The following SNX14 variants were observed in gnomAD, a reference collection of about 807,000 sequenced individuals.
SNX14 encodes sorting nexin-14.
A neutral mutation model predicts 133.8 loss-of-function variants in SNX14; 93 were observed. The observed-to-expected ratio is 0.70, with a 90% CI of 0.59 to 0.83. The LOEUF (loss-of-function observed/expected upper bound fraction) is 0.83. Among genes scored for constraint, SNX14 ranks in the 40% least tolerant of loss-of-function variants. The pLI, the probability that SNX14 is intolerant of heterozygous loss-of-function variation, is 0.00. For synonymous variants in SNX14, 368 were observed against 365.6 expected, an observed-to-expected ratio of 1.01 and a Z score of -0.07; for missense variants, 945 against 1,094.9, an observed-to-expected ratio of 0.86 and a Z score of 1.93.
chr6:85,549,028 G>A (rs1334291229), intron 8 of SNX14, among the ~76,000 whole-genome samples: 1 of 149,346 alleles, frequency 6.7e-6, no homozygotes, highest in Non-Finnish European at 1.5e-5. Flanking sequence ...ATACTTAAAT[G>A]TTTATTATAT....
intron 15 of SNX14, among the ~76,000 whole-genome samples, chr6:85,541,600 GAAAT>G (rs1783779695): frequency 6.6e-6 from 1 of 151,884 alleles, no homozygotes; most frequent in East Asian, 1.9e-4. Flanking sequence ...AAAAAAGAAA[GAAAT>G]AAACATCCCT....
chr6:85,506,813 A>T (rs1419805918), intron 28 of SNX14, among the ~76,000 whole-genome samples: 2 of 152,202 alleles, frequency 1.3e-5, no homozygotes, highest in Non-Finnish European at 2.9e-5. Flanking sequence ...ACATAGTAAT[A>T]ATATGACCAT....
chr6:85,506,382 T>C (rs1043965202), intron 28 of SNX14, among the ~76,000 whole-genome samples: 1 of 152,174 alleles, frequency 6.6e-6, no homozygotes, highest in Admixed American at 6.5e-5. Flanking sequence ...AATGGCATGA[T>C]CTCGGCTCAC....
chr6:85,544,895 A>T (rs892156098), intron 12 of SNX14, among the ~76,000 whole-genome samples: 4 of 152,240 alleles, frequency 2.6e-5, no homozygotes, highest in Non-Finnish European at 5.9e-5. Flanking sequence ...GCACCGGGAC[A>T]GTAAATATGC....
chr6:85,572,740 T>A (rs113984081), intron 2 of SNX14, among the ~76,000 whole-genome samples: 2,124 of 152,268 alleles, frequency 0.014, 47 homozygotes, highest in African/African-American at 0.049. Flanking sequence ...GTGGATGGCT[T>A]GAGCCCAGGA....
rs563636854 is a variant in SNX14 at position 85,565,669 on chromosome 6, G to A, written c.462-250C>T. 7.2e-5 allele frequency among the ~76,000 whole-genome samples: 11 copies of A among 152,110 alleles called. No homozygotes were observed. In the East Asian group the frequency reaches 1.4e-3, roughly 19 times the overall value. On this transcript the variant is annotated intron_variant, in intron 5 of 28. Coordinates refer to ENST00000314673, the MANE Select transcript of SNX14 (RefSeq NM_153816.6). ...CATATATTTCCTTGCAGACATACACGACTACAGTCTTATTTTTACAATACT... is the reference window on the plus strand; with the variant it reads ...CATATATTTCCTTGCAGACATACACAACTACAGTCTTATTTTTACAATACT...
chr6:85,577,972 T>C lies in SNX14; in HGVS notation c.141-3594A>G, dbSNP rs975273394. Among the ~76,000 whole-genome samples, 4 of 151,656 alleles carry C rather than the reference T, an allele frequency of 2.6e-5. No individual in the cohort carries two copies. In the East Asian group the frequency reaches 5.8e-4, roughly 22 times the overall value. Reference sequence around the variant, plus strand: ...AACGGATTGAGGAGTGAGATGGAGGTGAGGAAGTGGGATTGGTAAATGTAG... The same window carrying C: ...AACGGATTGAGGAGTGAGATGGAGGCGAGGAAGTGGGATTGGTAAATGTAG... On this transcript the variant is annotated intron_variant, in intron 1 of 28. Transcript: ENST00000314673.
intron 9 of SNX14, 26 bp from the exon 10 acceptor site, chr6:85,547,576 C>T (rs767051035): frequency 6.5e-7 from 1 of 1,541,808 alleles, no homozygotes; most frequent in Admixed American, 2.0e-5. Flanking sequence ...AAACATAAGT[C>T]AAAATAATTC....
chr6:85,552,032 CTTTTTTTTTT>C (rs71551482), intron 7 of SNX14, among the ~76,000 whole-genome samples: 1 of 114,150 alleles, frequency 8.8e-6, no homozygotes, highest in African/African-American at 3.5e-5. Context: ...TGTTGGGAAT[CTTTTTTTTTT>C]TTTTTTTTTT....
At chr6:85,570,999 A>C (rs1795360461) in intron 4 of SNX14, among the ~76,000 whole-genome samples, 1 of 152,182 alleles carries the variant, frequency 6.6e-6, no homozygotes, top group Non-Finnish European at 1.5e-5. Context: ...TAATAGCCAC[A>C]TGTGGCTAGG....
At chr6:85,571,507 T>C (rs1795584553) in intron 4 of SNX14, among the ~76,000 whole-genome samples, 1 of 152,186 alleles carries the variant, frequency 6.6e-6, no homozygotes, top group Non-Finnish European at 1.5e-5. Context: ...TTTGATTCAA[T>C]ACACTTTGAT....
intron 6 of SNX14, among the ~76,000 whole-genome samples, chr6:85,564,974 G>T (rs1402589818): frequency 1.3e-5 from 2 of 148,474 alleles, no homozygotes; most frequent in Admixed American, 1.3e-4. Flanking sequence ...GGGCGACAGA[G>T]CAAAACTCTG....
In SNX14 at chr6:85,536,991, C is replaced by A. The variant is rs12193777; in HGVS notation, c.1476-67G>T. On this transcript the variant is annotated intron_variant, in intron 16 of 28. Transcript: ENST00000314673. Reference sequence around the variant, plus strand: ...TCACAACAGTCTAGTTTATTGAAAACCATTATTAAAAAAAAGAAAAACAGT... The same window carrying A: ...TCACAACAGTCTAGTTTATTGAAAAACATTATTAAAAAAAAGAAAAACAGT... 0.53 allele frequency: 754,599 copies of A among 1,425,380 alleles called. 202,231 individuals carry two copies. Among genetic ancestry groups the A allele is most frequent in the Admixed American group, 0.63 (26,570 of 42,130 alleles). 88.3% of individuals were successfully genotyped at this position (1,425,380 alleles called of 1,614,324 possible). A position where few individuals can be genotyped will look rare whatever the true frequency, so the allele number is the denominator to read the frequency against.
intron 6 of SNX14, among the ~76,000 whole-genome samples, chr6:85,560,412 T>C (rs573666201): frequency 6.6e-6 from 1 of 152,338 alleles, no homozygotes; most frequent in East Asian, 1.9e-4. Flanking sequence ...ATTCCATGTA[T>C]ATGAAATGTT....
At chr6:85,513,306 T>A (rs889221268) in intron 26 of SNX14, among the ~76,000 whole-genome samples, 1 of 152,238 alleles carries the variant, frequency 6.6e-6, no homozygotes, top group Non-Finnish European at 1.5e-5. Flanking sequence ...CTCTGTAACT[T>A]GAAAATGCCT....
chr6:85,520,028 A>G (rs944209727), intron 21 of SNX14, among the ~76,000 whole-genome samples: 5 of 151,846 alleles, frequency 3.3e-5, no homozygotes, highest in African/African-American at 1.2e-4. Flanking sequence ...TAGTAGTAGT[A>G]GTAGTAGTAG....
At chr6:85,523,935 A>T (rs1777714938) in intron 21 of SNX14, among the ~76,000 whole-genome samples, 1 of 152,192 alleles carries the variant, frequency 6.6e-6, no homozygotes, top group African/African-American at 2.4e-5. Flanking sequence ...GGTACAACTA[A>T]AGGTCAGACT....
At position 85,593,841 on chromosome 6, in the gene SNX14, T is replaced by C; in HGVS notation, c.-123A>G. On this transcript the variant is annotated 5_prime_UTR_variant, in exon 1 of 29. Transcript: ENST00000314673. ...GCGCACACAGACGCCTACCGGCAGT[T>C]AGCCGCCGCAGGCTGAGGTCGCGTC... 1.3e-6 allele frequency: 2 copies of C among 1,518,332 alleles called. No homozygotes were observed. The highest frequency in any genetic ancestry group is 1.2e-5 in the South Asian group (1 of 83,838). 94.1% of individuals were successfully genotyped at this position (1,518,332 alleles called of 1,614,324 possible). A position where few individuals can be genotyped will look rare whatever the true frequency, so the allele number is the denominator to read the frequency against.
chr6:85,565,003 A>T (rs910652260), intron 6 of SNX14, among the ~76,000 whole-genome samples: 12 of 151,758 alleles, frequency 7.9e-5, no homozygotes, highest in Non-Finnish European at 1.6e-4. Flanking sequence ...AAAAAAAAAA[A>T]TTGTTTCAAA....
Sources: gnomAD v4.1 joint callset for allele counts (sites outside exome capture counted in the v4.1 genomes callset) on GRCh38, gnomAD v4.1.1 for gene constraint, MANE v1.5 for transcripts, NCBI Gene and HGNC (gene_info 2026-07-23, HGNC 2026-07-21) for gene names.